GLYATL2: variants seen among roughly 807,000 people sequenced by gnomAD.
The protein encoded by GLYATL2 is glycine N-acyltransferase-like protein 2.
A neutral mutation model predicts 21.4 loss-of-function variants in GLYATL2; 25 were observed. The observed-to-expected ratio is 1.17, with a 90% CI of 0.85 to 1.63. The LOEUF is 1.63. GLYATL2 is among the 40% of genes most tolerant of loss of function. The pLI is 0.00. For synonymous variants in GLYATL2, 114 were observed against 118.2 expected (o/e 0.96, Z 0.23); for missense variants, 361 against 343.3 (o/e 1.05, Z -0.41).
In GLYATL2 at chr11:58,834,783, A is replaced by G; in HGVS notation, c.531T>C (p.Asn177=). 1 of 1,613,324 alleles carries G rather than the reference A, an allele frequency of 6.2e-7. No homozygotes were observed. ...FLDASHAGLV[N]EHWAFGKNER... ...CATTTTTCCCAAAGGCCCAGTGTTC[A>G]TTCACAAGACCTGCATGTGAAGCAT... is the stretch of plus-strand genomic sequence containing the variant. Residue 177 remains asparagine (N), a synonymous_variant, in exon 6 of 6, where the codon AAT becomes AAC. Coordinates refer to ENST00000287275, the MANE Select transcript of GLYATL2 (RefSeq NM_145016.4).
intron 1 of GLYATL2, among the ~76,000 whole-genome samples, chr11:58,867,094 C>T (rs1165832363): frequency 6.7e-6 from 1 of 148,974 alleles, no homozygotes; most frequent in Non-Finnish European, 1.5e-5. Context: ...CATGCGGTTC[C>T]CATTCCCTGC....
At chr11:58,901,027 T>G (rs1387096434) in intron 1 of GLYATL2, among the ~76,000 whole-genome samples, 1 of 152,176 alleles carries the variant, frequency 6.6e-6, no homozygotes, top group African/African-American at 2.4e-5. Context: ...CGCCTTCGCC[T>G]GCCCTGAGTA....
At chr11:58,858,696 C>T (rs550202835) in intron 1 of GLYATL2, among the ~76,000 whole-genome samples, 1 of 152,266 alleles carries the variant, frequency 6.6e-6, no homozygotes, top group South Asian at 2.1e-4. Flanking sequence ...TTATATTATG[C>T]CAGATTACAG....
intron 1 of GLYATL2, among the ~76,000 whole-genome samples, chr11:58,841,455 G>T (rs527258372): frequency 7.5e-4 from 114 of 152,220 alleles, no homozygotes; most frequent in African/African-American, 2.7e-3. Flanking sequence ...TGCCAGAAAA[G>T]GTATGTGAAG....
At chr11:58,900,827 A>T (rs1032357904) in intron 1 of GLYATL2, among the ~76,000 whole-genome samples, 2 of 152,172 alleles carry the variant, frequency 1.3e-5, no homozygotes, top group African/African-American at 4.8e-5. Context: ...CTTTCATGGA[A>T]GCTACCATTG....
chr11:58,873,845 A>G (rs1007453195), intron 1 of GLYATL2, among the ~76,000 whole-genome samples: 2 of 152,192 alleles, frequency 1.3e-5, no homozygotes, highest in Non-Finnish European at 1.5e-5. Flanking sequence ...TGATTGGAAT[A>G]ATTTCAGAAG....
At chr11:58,895,413 TG>T (rs1854617901) in intron 1 of GLYATL2, among the ~76,000 whole-genome samples, 2 of 152,138 alleles carry the variant, frequency 1.3e-5, no homozygotes, top group Admixed American at 6.5e-5. Flanking sequence ...ATAGACTGAG[TG>T]GCTTACACAA....
upstream of GLYATL2, among the ~76,000 whole-genome samples, chr11:58,847,640 T>C (rs1353891161): frequency 6.6e-6 from 1 of 152,238 alleles, no homozygotes; most frequent in Non-Finnish European, 1.5e-5. Context: ...GAACTTCATC[T>C]TGTGGTTTGA....
intron 1 of GLYATL2, chr11:58,893,195 G>A: frequency 3.0e-6 from 1 of 337,478 alleles, no homozygotes; most frequent in East Asian, 5.3e-5. Flanking sequence ...GGTCCACAGG[G>A]GGCCCTGGTC....
intron 1 of GLYATL2, among the ~76,000 whole-genome samples, chr11:58,858,925 C>T (rs1390655342): frequency 6.6e-6 from 1 of 152,166 alleles, no homozygotes; most frequent in Non-Finnish European, 1.5e-5. Context: ...ATCTCCAAAC[C>T]AGATATTCTT....
At position 58,859,190 on chromosome 11, in the gene GLYATL2, C is replaced by T. The variant is rs368422903; in HGVS notation, n.61-20822G>A. Among the ~76,000 whole-genome samples the T allele has an allele frequency of 1.4e-3, 214 of 152,182 alleles. 1 individual carries two copies. The highest frequency in any genetic ancestry group is 4.9e-3 in the African/African-American group (203 of 41,510). On this transcript the variant is annotated intron_variant and non_coding_transcript_variant, in intron 1 of 4. Transcript: ENST00000533636. ...TTCCTAGTTCAACTTGAGTCCCTCT[C>T]TCCTCTGCTAGCCTACCCCCATCCA... is the stretch of plus-strand genomic sequence containing the variant.
chr11:58,902,063 G>T (rs1396611244), intron 1 of GLYATL2, among the ~76,000 whole-genome samples: 1 of 152,144 alleles, frequency 6.6e-6, no homozygotes, highest in Non-Finnish European at 1.5e-5. Flanking sequence ...AGATAGGATG[G>T]ACTACGGGGT....
chr11:58,899,537 T>TCAGATACGAGC (rs1854697055), intron 1 of GLYATL2, among the ~76,000 whole-genome samples: 1 of 152,038 alleles, frequency 6.6e-6, no homozygotes. Context: ...AAAAGAGGCC[T>TCAGATACGAGC]CAGATACGAG....
At chr11:58,875,577 G>A (rs1045937689) in intron 1 of GLYATL2, among the ~76,000 whole-genome samples, 2 of 152,128 alleles carry the variant, frequency 1.3e-5, no homozygotes, top group African/African-American at 4.8e-5. Context: ...ATGAAATTCT[G>A]GGTTGAAAAT....
At chr11:58,856,775 C>T (rs1472108385) in intron 1 of GLYATL2, among the ~76,000 whole-genome samples, 2 of 152,066 alleles carry the variant, frequency 1.3e-5, no homozygotes, top group African/African-American at 4.8e-5. Flanking sequence ...GCTAAAATAG[C>T]ACCATCAAAA....
intron 1 of GLYATL2, among the ~76,000 whole-genome samples, chr11:58,887,606 T>C (rs763962777): frequency 6.6e-6 from 1 of 152,136 alleles, no homozygotes; most frequent in Non-Finnish European, 1.5e-5. Flanking sequence ...TGATGATCTC[T>C]TCTGTCATCA....
intron 1 of GLYATL2, among the ~76,000 whole-genome samples, chr11:58,897,004 C>G (rs1303238382): frequency 6.6e-6 from 1 of 152,152 alleles, no homozygotes; most frequent in Non-Finnish European, 1.5e-5. Context: ...GAACCCGGGC[C>G]AGTTTTACTT....
chr11:58,847,876 G>T (rs902000084), upstream of GLYATL2, among the ~76,000 whole-genome samples: 1 of 152,112 alleles, frequency 6.6e-6, no homozygotes, highest in Non-Finnish European at 1.5e-5. Context: ...GCAGGCCTTG[G>T]TCAAGATGCA....
chr11:58,843,183 A>G (rs11229658), intron 1 of GLYATL2, among the ~76,000 whole-genome samples: 39,979 of 152,068 alleles, frequency 0.26, 5,734 homozygotes, highest in East Asian at 0.5. Context: ...AAAAGAGCAG[A>G]GAGTTGGCAA....
Sources: gnomAD v4.1 joint callset for allele counts (sites outside exome capture counted in the v4.1 genomes callset) on GRCh38, gnomAD v4.1.1 for gene constraint, MANE v1.5 for transcripts, NCBI Gene and HGNC (gene_info 2026-07-23, HGNC 2026-07-21) for gene names.